The following LRIG1 variants were observed in gnomAD, a reference collection of about 807,000 sequenced individuals.
The protein encoded by LRIG1 is leucine rich repeats and immunoglobulin like domains 1, also known as leucine-rich repeats and immunoglobulin-like domains protein 1.
A neutral mutation model predicts 99.2 loss-of-function variants in LRIG1; 48 were observed. The observed-to-expected ratio is 0.48, with a 90% confidence interval of 0.38 to 0.62. LRIG1 has a LOEUF of 0.62. LRIG1 is among the 20% of genes least tolerant of loss of function. The probability of loss-of-function intolerance (pLI) is 0.00; values close to 1 mark genes in which losing one functional copy is unlikely to be tolerated. For missense variants in LRIG1, 1,646 were observed against 1,434.4 expected, an observed-to-expected ratio of 1.15 and a Z score of -2.38; for synonymous variants, 772 against 596.1, an observed-to-expected ratio of 1.29 and a Z score of -4.30.
At position 66,379,884 on chromosome 3, in the gene LRIG1, C is replaced by T. The variant is rs931826747; in HGVS notation, c.*379G>A. ...GTAGCCTCTATAAATTCCAGCCATG[C>T]GTTAAGGCACCAGAACTATTTCCCC... On this transcript the variant is annotated 3_prime_UTR_variant, in exon 19 of 19. Coordinates refer to ENST00000273261, the MANE Select transcript of LRIG1 (RefSeq NM_015541.3). 10 of 172,644 alleles carry T rather than the reference C, an allele frequency of 5.8e-5. No individual in the cohort carries two copies. The highest frequency in any genetic ancestry group is 1.1e-4 in the Non-Finnish European group (9 of 81,818). 10.7% of individuals were successfully genotyped at this position (172,644 alleles called of 1,614,324 possible).
chr3:66,416,424 G>A (rs889214298), intron 4 of LRIG1, among the ~76,000 whole-genome samples: 14 of 152,130 alleles, frequency 9.2e-5, no homozygotes, highest in African/African-American at 2.9e-4. Flanking sequence ...AATGACACAC[G>A]GAATGAAAAC....
At chr3:66,417,797 A>G (rs1702660355) in intron 3 of LRIG1, among the ~76,000 whole-genome samples, 2 of 88,340 alleles carry the variant, frequency 2.3e-5, no homozygotes, top group South Asian at 5.8e-4. Context: ...AAAGAAAAAG[A>G]AAAAAAAAAA....
intron 3 of LRIG1, among the ~76,000 whole-genome samples, chr3:66,423,484 T>C (rs188564778): frequency 8.3e-4 from 127 of 152,236 alleles, no homozygotes; most frequent in Middle Eastern, 3.4e-3. Flanking sequence ...GGCAGGAGAA[T>C]TGCTTGAACC....
chr3:66,384,325 C>G (rs1701257558), intron 13 of LRIG1, 53 bp from the exon 14 acceptor site: 2 of 1,559,846 alleles, frequency 1.3e-6, no homozygotes, highest in Non-Finnish European at 1.7e-6. Context: ...GATGCAAAAC[C>G]AGGAAGTCCT....
At chr3:66,410,939 G>A (rs1212282628) in intron 6 of LRIG1, among the ~76,000 whole-genome samples, 2 of 152,244 alleles carry the variant, frequency 1.3e-5, no homozygotes, top group Non-Finnish European at 2.9e-5. Context: ...CACTGTGCTA[G>A]GAGACCCGCT....
At chr3:66,447,840 C>A (rs1703778063) in intron 3 of LRIG1, among the ~76,000 whole-genome samples, 1 of 152,162 alleles carries the variant, frequency 6.6e-6, no homozygotes, top group African/African-American at 2.4e-5. Context: ...ATGCATCAGA[C>A]AAAATTACTG....
In LRIG1 at chr3:66,458,756, C is replaced by T. The variant is rs1700286375; in HGVS notation, c.290+3682G>A. 2.0e-5 allele frequency among the ~76,000 whole-genome samples: 3 copies of T among 151,892 alleles called. No individual in the cohort carries two copies. The South Asian group carries it at 6.2e-4, about 32-fold the overall frequency. ...ATCAGGCCAGGCGTGGTGGCTCATG[C>T]CTCTAATCCTAGCATTTTGGGAGGC... On this transcript the variant is annotated intron_variant, in intron 2 of 18. Transcript: ENST00000273261.
rs372469951 is a variant in LRIG1 at position 66,384,243 on chromosome 3, C to T, written c.1819G>A (p.Asp607Asn). The T allele has an allele frequency of 1.9e-5, 31 of 1,612,524 alleles. No individual in the cohort carries two copies. Among genetic ancestry groups the T allele is most frequent in the East Asian group, 2.2e-5 (1 of 44,820 alleles). Residue 607 changes from aspartate (D) to asparagine (N), a missense_variant, in exon 14 of 19, where the codon GAC becomes AAC. Asp to Asn is a conservative substitution (Grantham distance 23). Coordinates refer to ENST00000273261, the MANE Select transcript of LRIG1 (RefSeq NM_015541.3). ...VLPSFTKTPH[D>N]ITIRTTTMAR... ...ATGGTGGTGGTCCGGATGGTTATGTCGTGGGGCGTTTTGGTGAATGATGGC... is the reference window on the plus strand; with the variant it reads ...ATGGTGGTGGTCCGGATGGTTATGTTGTGGGGCGTTTTGGTGAATGATGGC...
chr3:66,500,367 C>A lies in LRIG1; in HGVS notation c.41G>T (p.Arg14Leu), dbSNP rs867247812. The change falls in exon 1 of 19, where the codon CGC becomes CTC. Residue 14 changes from arginine to leucine, a missense_variant. By Grantham distance (102) the Arg-to-Leu change is moderately radical. Coordinates refer to ENST00000273261, the MANE Select transcript of LRIG1 (RefSeq NM_015541.3). Reference sequence around the variant, plus strand: ...CCAGAGAAGGAGAAGGCAAGGCGAGCGGCGCGGGGCCCCGAGCCCTCCCCG... The same window carrying A: ...CCAGAGAAGGAGAAGGCAAGGCGAGAGGCGCGGGGCCCCGAGCCCTCCCCG... ...PVRGGLGAPR[R>L]SPCLLLLWLL... The A allele has an allele frequency of 6.7e-7, 1 of 1,483,482 alleles. No homozygotes were observed. The highest frequency in any genetic ancestry group is 2.5e-5 in the Admixed American group (1 of 40,302). 91.9% of individuals were successfully genotyped at this position (1,483,482 alleles called of 1,614,324 possible).
intron 13 of LRIG1, 115 bp downstream of exon 13, chr3:66,385,866 C>G (rs1701345673): frequency 1.0e-6 from 1 of 980,230 alleles, no homozygotes; most frequent in African/African-American, 1.6e-5. Flanking sequence ...TAACAGTGCC[C>G]CACAGAAGCA....
chr3:66,398,858 T>G, intron 10 of LRIG1, 112 bp downstream of exon 10: 1 of 863,218 alleles, frequency 1.2e-6, no homozygotes, highest in Non-Finnish European at 1.9e-6. Flanking sequence ...AGCTGGTGTT[T>G]CCAAATAGCC....
At chr3:66,395,099 G>C (rs558576921) in intron 11 of LRIG1, among the ~76,000 whole-genome samples, 2 of 152,208 alleles carry the variant, frequency 1.3e-5, no homozygotes, top group Non-Finnish European at 2.9e-5. Flanking sequence ...TAGCTGCCTT[G>C]TTCCTGGAAG....
intron 6 of LRIG1, 56 bp downstream of exon 6, chr3:66,412,815 T>A: frequency 1.3e-6 from 2 of 1,599,250 alleles, no homozygotes; most frequent in Non-Finnish European, 1.7e-6. Context: ...ACACGCCACA[T>A]CACACCACAC....
chr3:66,472,327 A>G (rs1445169578), intron 1 of LRIG1, among the ~76,000 whole-genome samples: 1 of 148,676 alleles, frequency 6.7e-6, no homozygotes, highest in Non-Finnish European at 1.5e-5. Context: ...AAAAAAAAAA[A>G]AAAAAACACT....
At chr3:66,404,552 A>G in intron 9 of LRIG1, 2 of 499,178 alleles carry the variant, frequency 4.0e-6, no homozygotes, top group Non-Finnish European at 5.8e-6. Flanking sequence ...GCCACTTGCC[A>G]GCCGTGTAGT....
intron 3 of LRIG1, among the ~76,000 whole-genome samples, chr3:66,439,171 C>T (rs886757792): frequency 1.5e-4 from 23 of 152,186 alleles, no homozygotes; most frequent in Admixed American, 3.9e-4. Context: ...GGAAGGGGAG[C>T]CCCTGGAAGA....
At chr3:66,417,665 A>G (rs3897058) in intron 3 of LRIG1, 20,884 of 173,316 alleles carry the variant, frequency 0.12, 2,600 homozygotes, top group East Asian at 0.69. Flanking sequence ...GTCCAGCCTC[A>G]TAACTTACAA....
chr3:66,493,853 GAGAA>G (rs1015948065), intron 1 of LRIG1, among the ~76,000 whole-genome samples: 4 of 122,614 alleles, frequency 3.3e-5, no homozygotes, highest in South Asian at 3.0e-4. Context: ...GAGAGAGAAA[GAGAA>G]AGAAAGGAAG....
intron 3 of LRIG1, among the ~76,000 whole-genome samples, chr3:66,442,553 A>G (rs570853398): frequency 6.6e-6 from 1 of 152,262 alleles, no homozygotes; most frequent in East Asian, 1.9e-4. Context: ...GCAATGACAG[A>G]GCAGCTCCGC....
Sources: allele counts gnomAD v4.1 joint callset (sites outside exome capture counted in the v4.1 genomes callset), GRCh38; gene constraint gnomAD v4.1.1; transcripts MANE v1.5; gene names NCBI Gene and HGNC (gene_info 2026-07-23, HGNC 2026-07-21).